Variants in TIAL1 observed in about 807,000 individuals in gnomAD.
The protein encoded by TIAL1 is nucleolysin TIAR.
A neutral mutation model predicts 59.7 loss-of-function variants in TIAL1; 7 were observed. The ratio of observed to expected loss-of-function variants is 0.12; its 90% CI spans 0.07 to 0.22. The LOEUF (loss-of-function observed/expected upper bound fraction) is 0.22. Ranked by LOEUF, TIAL1 falls within the 10% of genes least tolerant of loss-of-function variation. TIAL1 has a pLI of 1.00. For synonymous variants in TIAL1, 149 were observed against 146.3 expected, an observed-to-expected ratio of 1.02 and a Z score of -0.13; for missense variants, 225 against 462.5, an observed-to-expected ratio of 0.49 and a Z score of 4.71.
chr10:119,580,534 G>A (rs1378969408), intron 5 of TIAL1: 4 of 1,009,702 alleles, frequency 4.0e-6, no homozygotes, highest in Non-Finnish European at 4.8e-6. Context: ...TTGGAGTTTG[G>A]GCAGCTGTAA....
intron 1 of TIAL1, among the ~76,000 whole-genome samples, chr10:119,589,798 C>A (rs1243831077): frequency 6.6e-6 from 1 of 152,162 alleles, no homozygotes; most frequent in Non-Finnish European, 1.5e-5. Flanking sequence ...ACACTAAAGT[C>A]TTTCTGGTAT....
chr10:119,591,890 T>C (rs1038119318), intron 1 of TIAL1: 1 of 152,198 alleles, frequency 6.6e-6, no homozygotes, highest in Non-Finnish European at 1.5e-5. Flanking sequence ...TACTATTCTA[T>C]TTTAAGTACT....
intron 5 of TIAL1, 115 bp from the exon 6 acceptor site, chr10:119,580,125 C>A: frequency 2.5e-6 from 2 of 801,254 alleles, no homozygotes; most frequent in Non-Finnish European, 1.9e-6. Flanking sequence ...TCCAGTTAGC[C>A]CTAATTAACT....
At chr10:119,595,051 T>C (rs112613563) in intron 1 of TIAL1, among the ~76,000 whole-genome samples, 172 of 152,314 alleles carry the variant, frequency 1.1e-3, no homozygotes, top group African/African-American at 3.8e-3. Context: ...TGTGCTTCAG[T>C]AGGCCTCAGA....
intron 11 of TIAL1, among the ~76,000 whole-genome samples, chr10:119,576,203 A>G (rs1401981900): frequency 5.1e-5 from 2 of 39,028 alleles, no homozygotes; most frequent in African/African-American, 4.7e-4. Flanking sequence ...TCAACAAAAG[A>G]AAAAAAAAAA....
chr10:119,587,929 AC>A (rs1369531262), intron 2 of TIAL1, among the ~76,000 whole-genome samples: 1 of 152,230 alleles, frequency 6.6e-6, no homozygotes, highest in Non-Finnish European at 1.5e-5. Flanking sequence ...CTTCAAGATA[AC>A]CACACCATGA....
chr10:119,589,349 G>A (rs933022537), intron 1 of TIAL1, among the ~76,000 whole-genome samples: 1 of 152,148 alleles, frequency 6.6e-6, no homozygotes, highest in Non-Finnish European at 1.5e-5. Context: ...GGGACTACAG[G>A]CGTGCACCAC....
chr10:119,576,891 T>C (rs943309672), intron 10 of TIAL1, 141 bp from the exon 11 acceptor site: 15 of 1,371,262 alleles, frequency 1.1e-5, no homozygotes, highest in East Asian at 9.2e-5. Context: ...TCTAAGTTTA[T>C]TGGGGTGGTG....
rs757866980 is a variant in TIAL1 at position 119,576,717 on chromosome 10, C to G, written c.895G>C (p.Val299Leu). 13 of 1,614,124 alleles carry G rather than the reference C, an allele frequency of 8.1e-6. No homozygotes were observed. The highest frequency in any genetic ancestry group is 1.0e-5 in the Non-Finnish European group (12 of 1,180,020). The change falls in exon 11 of 12, where the codon GTG becomes CTG. Residue 299 changes from valine (V) to leucine (L), a missense_variant. Physicochemically the swap from Val to Leu is conservative, Grantham distance 32. Coordinates refer to ENST00000436547, the MANE Select transcript of TIAL1 (RefSeq NM_003252.4). ...DYSQWGQWSQ[V>L]YGNPQQYGQY... Reference sequence around the variant, plus strand: ...CCATACTGTTGTGGGTTTCCATACACTTGGCTCCATTGGCCCCATTGACTA... The same window carrying G: ...CCATACTGTTGTGGGTTTCCATACAGTTGGCTCCATTGGCCCCATTGACTA...
intron 6 of TIAL1, 99 bp downstream of exon 6, chr10:119,579,836 G>A (rs976373642): frequency 1.4e-5 from 12 of 864,148 alleles, no homozygotes; most frequent in Non-Finnish European, 1.9e-5. Flanking sequence ...TGTGTTTGTA[G>A]TTAACATTCA....
chr10:119,576,010 T>TCA (rs1844974170), intron 11 of TIAL1, among the ~76,000 whole-genome samples: 1 of 152,154 alleles, frequency 6.6e-6, no homozygotes, highest in Non-Finnish European at 1.5e-5. Context: ...CTTAACACAC[T>TCA]GATGTCTGAG....
At position 119,582,877 on chromosome 10, in the gene TIAL1, G is replaced by C. The variant is rs1219348170; in HGVS notation, c.130-320C>G. Among the ~76,000 whole-genome samples, 1 of 151,988 alleles carries C rather than the reference G, an allele frequency of 6.6e-6. No individual in the cohort carries two copies. Among genetic ancestry groups the C allele is most frequent in the East Asian group, 1.9e-4 (1 of 5,198 alleles). ...TAAACCAAACAAAACCTCAAACTCA[G>C]ATCTGATGAGGACCACTCCTTACCA... is the stretch of plus-strand genomic sequence containing the variant. On this transcript the variant is annotated intron_variant, in intron 2 of 11. Coordinates refer to ENST00000436547, the MANE Select transcript of TIAL1 (RefSeq NM_003252.4). This position sits in a 1 kb window ranked among gnomAD's most constrained non-coding sequence, Gnocchi z 5.1.
intron 10 of TIAL1, 70 bp from the exon 11 acceptor site, chr10:119,576,820 C>T: frequency 2.5e-6 from 4 of 1,572,002 alleles, no homozygotes; most frequent in Non-Finnish European, 2.6e-6. Flanking sequence ...GAGTGGGAGA[C>T]AAGGAAGAGA....
Position 119,588,259 on chromosome 10 carries a change from A to G in TIAL1, c.33-11T>C. ...AGGTTACCTACGTATCTGCACAAGA[A>G]AAAAATACGTTATCAGCAATTTTTC... is the stretch of plus-strand genomic sequence containing the variant. On this transcript the variant is annotated splice_polypyrimidine_tract_variant and intron_variant, in intron 1 of 11. Transcript: ENST00000436547. 10 of 1,529,770 alleles carry G rather than the reference A, an allele frequency of 6.5e-6. No individual in the cohort carries two copies. The highest frequency in any genetic ancestry group is 8.9e-6 in the Non-Finnish European group (10 of 1,128,078). The allele number at this position is 1,529,770 out of a possible 1,614,324, so 94.8% of individuals were successfully genotyped here.
At chr10:119,596,213 G>C (rs1316477443) in intron 1 of TIAL1, among the ~76,000 whole-genome samples, 1 of 152,180 alleles carries the variant, frequency 6.6e-6, no homozygotes, top group Admixed American at 6.5e-5. Flanking sequence ...GAAAAAGGTC[G>C]AGACAAGCCC....
rs1219412458 is a variant in TIAL1 at position 119,580,024 on chromosome 10, C to G, written c.372-14G>C. On this transcript the variant is annotated splice_polypyrimidine_tract_variant and intron_variant, in intron 5 of 11. Coordinates refer to ENST00000436547, the MANE Select transcript of TIAL1 (RefSeq NM_003252.4). ...ACCCGGGCATCCCTGTGAAAAGAAG[C>G]ACAGCTAAATGAGGGAAGTAAGAGC... is the stretch of plus-strand genomic sequence containing the variant. 2 of 1,607,106 alleles carry G rather than the reference C, an allele frequency of 1.2e-6. No individual in the cohort carries two copies. Among genetic ancestry groups the G allele is most frequent in the Admixed American group, 1.7e-5 (1 of 58,972 alleles).
rs1483780882 is a variant in TIAL1 at position 119,596,748 on chromosome 10, C to T, written c.-283G>A. ...CCCGCCAGGTCACCGCTCAGGCCAG[C>T]CGCGACAGCCTGCAAGGGGGACGAC... On this transcript the variant is annotated 5_prime_UTR_variant, in exon 1 of 12. Transcript: ENST00000436547. The T allele has an allele frequency of 9.5e-6, 5 of 525,908 alleles. No homozygotes were observed. In the Admixed American group the frequency reaches 1.4e-4, roughly 15 times the overall value. The allele number at this position is 525,908 out of a possible 1,614,324, so 32.6% of individuals were successfully genotyped here.
At chr10:119,596,137 T>C (rs1170365834) in intron 1 of TIAL1, among the ~76,000 whole-genome samples, 1 of 150,966 alleles carries the variant, frequency 6.6e-6, no homozygotes, top group Admixed American at 6.6e-5. Flanking sequence ...GGAGTTCTCC[T>C]GGGCCTGACA....
chr10:119,596,119 G>C (rs979422323), intron 1 of TIAL1, among the ~76,000 whole-genome samples: 5 of 152,044 alleles, frequency 3.3e-5, no homozygotes, highest in South Asian at 4.2e-4. Context: ...CAACGCGGAG[G>C]GGGTGCAGGA....
Sources: gnomAD v4.1 joint callset for allele counts (sites outside exome capture counted in the v4.1 genomes callset) on GRCh38, gnomAD v4.1.1 for gene constraint, Gnocchi (gnomAD v3.1) non-coding constraint, MANE v1.5 for transcripts, NCBI Gene and HGNC (gene_info 2026-07-23, HGNC 2026-07-21) for gene names.